RECQL5: variants seen among roughly 807,000 people sequenced by gnomAD.
The protein encoded by RECQL5 is ATP-dependent DNA helicase Q5.
In RECQL5, 88 loss-of-function variants were observed where a neutral mutation model predicts 103.4. The observed-to-expected ratio is 0.85, with a 90% CI of 0.72 to 1.02. The LOEUF (loss-of-function observed/expected upper bound fraction) is 1.02, where lower values mean the gene tolerates loss of function less well. Ranked by LOEUF, RECQL5 falls within the 50% of genes least tolerant of loss-of-function variation. The pLI, the probability that RECQL5 is intolerant of heterozygous loss-of-function variation, is 0.00. For missense variants in RECQL5, 1,232 were observed against 1,284.3 expected, an observed-to-expected ratio of 0.96 and a Z score of 0.62; for synonymous variants, 552 against 507.9, an observed-to-expected ratio of 1.09 and a Z score of -1.17.
intron 7 of RECQL5, among the ~76,000 whole-genome samples, chr17:75,653,568 A>G (rs2059580836): frequency 6.6e-6 from 1 of 152,120 alleles, no homozygotes; most frequent in African/African-American, 2.4e-5. Context: ...TTGCCAACAT[A>G]TCCTTTTAAA....
chr17:75,650,794 G>T, intron 8 of RECQL5: 1 of 1,558,106 alleles, frequency 6.4e-7, no homozygotes. Context: ...ACAGGCTTCT[G>T]TGTGGGTCCT....
intron 10 of RECQL5, 23 bp downstream of exon 10, chr17:75,631,127 G>A: frequency 6.2e-7 from 1 of 1,612,660 alleles, no homozygotes; most frequent in East Asian, 2.2e-5. Flanking sequence ...GCCCCACACA[G>A]GCCACTGAGT....
At chr17:75,629,607 G>C in intron 15 of RECQL5, 101 bp downstream of exon 15, 3 of 1,514,120 alleles carry the variant, frequency 2.0e-6, no homozygotes, top group Non-Finnish European at 2.7e-6. Flanking sequence ...GCAGGACCCT[G>C]GTGGGGAGCC....
At chr17:75,633,441 C>T in intron 8 of RECQL5, 1 of 1,289,076 alleles carries the variant, frequency 7.8e-7, no homozygotes, top group Non-Finnish European at 1.0e-6. Flanking sequence ...GGTCACAGCC[C>T]CAGCAGAAGG....
chr17:75,648,508 G>A (rs138354034), intron 8 of RECQL5, among the ~76,000 whole-genome samples: 6,470 of 151,558 alleles, frequency 0.043, 412 homozygotes, highest in African/African-American at 0.14. Flanking sequence ...GAGTAGCTGG[G>A]ACTACAGGCT....
At position 75,640,904 on chromosome 17, in the gene RECQL5, G is replaced by C. The variant is rs1056017728; in HGVS notation, c.1230-9236C>G. ...GCAGCCGACACCACCATGACGGACG[G>C]GCGATGGCTGAGGAGAAGCTGGAGA... is the stretch of plus-strand genomic sequence containing the variant. On this transcript the variant is annotated intron_variant, in intron 8 of 19. Transcript: ENST00000317905. This position sits in a 1 kb window ranked among gnomAD's most constrained non-coding sequence, Gnocchi z 4.6. 2 of 1,542,160 alleles carry C rather than the reference G, an allele frequency of 1.3e-6. No individual in the cohort carries two copies. The highest frequency in any genetic ancestry group is 1.7e-6 in the Non-Finnish European group (2 of 1,146,626).
rs1023937729 is a variant in RECQL5, at chr17:75,658,479, C to T, written c.987-19G>A. The stretch of plus-strand genomic sequence containing the variant: ...GACAAACCTGTAGGATCCAAAGGGA[C>T]AAGCAGCATGAGATGGTGGAGAAGC... On this transcript the variant is annotated intron_variant, in intron 6 of 19. Transcript: ENST00000317905. 6.2e-7 allele frequency: 1 copy of T among 1,611,196 alleles called. No homozygotes were observed.
chr17:75,644,163 G>C (rs8079013), intron 8 of RECQL5, among the ~76,000 whole-genome samples: 5,111 of 152,192 alleles, frequency 0.034, 314 homozygotes, highest in African/African-American at 0.11. Flanking sequence ...AAATTAGCCG[G>C]GTGTGGTGGC....
At chr17:75,665,691 A>AC (rs915571208) in intron 2 of RECQL5, among the ~76,000 whole-genome samples, 1 of 141,688 alleles carries the variant, frequency 7.1e-6, no homozygotes, top group African/African-American at 2.6e-5. Flanking sequence ...CTCTGTTTCA[A>AC]AAAAAAAAAA....
At position 75,627,426 on chromosome 17, in the gene RECQL5, C is replaced by A; in HGVS notation, c.2972G>T (p.Arg991Ile). Reference protein sequence around the residue: ...ADWHGLCGPQR With the variant: ...ADWHGLCGPQI Reference sequence around the variant, plus strand: ...CCCTGCCCAGCCAGCAGTTGGTCATCTCTGGGGGCCACACAGGCCATGCCA... The same window carrying A: ...CCCTGCCCAGCCAGCAGTTGGTCATATCTGGGGGCCACACAGGCCATGCCA... The change falls in exon 20 of 20, where the codon AGA (arginine) becomes ATA (isoleucine). Residue 991 changes from arginine (R) to isoleucine (I), a missense_variant. By Grantham distance (97) the Arg-to-Ile change is moderately conservative. Coordinates refer to ENST00000317905, the MANE Select transcript of RECQL5 (RefSeq NM_004259.7). 1 of 1,613,210 alleles carries A rather than the reference C, an allele frequency of 6.2e-7. No homozygotes were observed. Among genetic ancestry groups the A allele is most frequent in the Non-Finnish European group, 8.5e-7 (1 of 1,179,832 alleles).
intron 6 of RECQL5, 43 bp downstream of exon 6, chr17:75,660,912 G>T: frequency 6.9e-7 from 1 of 1,455,290 alleles, no homozygotes; most frequent in Non-Finnish European, 9.7e-7. Flanking sequence ...TCCACCCTGA[G>T]CCAGGCCCAG....
At position 75,627,020 on chromosome 17, in the gene RECQL5, G is replaced by C. The variant is rs953811229; in HGVS notation, c.*402C>G. The stretch of plus-strand genomic sequence containing the variant: ...GCTGGAAGCTGGCATCGTAATGGAT[G>C]GGGGAGTGGGTGGAGGATCTGAGGG... On this transcript the variant is annotated 3_prime_UTR_variant, in exon 20 of 20. Transcript: ENST00000317905. 1 of 383,314 alleles carries C rather than the reference G, an allele frequency of 2.6e-6. No individual in the cohort carries two copies. The highest frequency in any genetic ancestry group is 5.2e-6 in the Non-Finnish European group (1 of 193,198). 23.7% of individuals were successfully genotyped at this position (383,314 alleles called of 1,614,324 possible).
At position 75,627,060 on chromosome 17, in the gene RECQL5, TC is replaced by T. The variant is rs1450156121; in HGVS notation, c.*361del. ...GGATCTGAGGGTCCCCTGGGTAGGT[TC>T]CGATACCTTGGACAGGTGGGCCTCA... On this transcript the variant is annotated 3_prime_UTR_variant, in exon 20 of 20. Coordinates refer to ENST00000317905, the MANE Select transcript of RECQL5 (RefSeq NM_004259.7). The T allele has an allele frequency of 9.1e-6, 4 of 437,220 alleles. No individual in the cohort carries two copies. In the Admixed American group the frequency reaches 1.1e-4, roughly 12 times the overall value. The allele number at this position is 437,220 out of a possible 1,614,324, so 27.1% of individuals were successfully genotyped here. A position where few individuals can be genotyped will look rare whatever the true frequency, so the allele number is the denominator to read the frequency against.
chr17:75,628,715 G>A lies in RECQL5; in HGVS notation c.2537C>T (p.Pro846Leu), dbSNP rs747815100. 3 of 1,591,026 alleles carry A rather than the reference G, an allele frequency of 1.9e-6. No individual in the cohort carries two copies. The highest frequency in any genetic ancestry group is 2.6e-6 in the Non-Finnish European group (3 of 1,174,484). Residue 846 changes from proline (P) to leucine (L), a missense_variant, in exon 17 of 20, where the codon CCT becomes CTT. Pro to Leu is a moderately conservative substitution (Grantham distance 98, BLOSUM62 -3). Coordinates refer to ENST00000317905, the MANE Select transcript of RECQL5 (RefSeq NM_004259.7). ...DQGTPEVQPTPAKDTWKGKRP... is the reference protein window; with the variant it reads ...DQGTPEVQPTLAKDTWKGKRP... Reference sequence around the variant, plus strand: ...CTTGCCCTTCCATGTGTCCTTTGCAGGGGTGGGCTGGACTTCAGGGGTGCC... The same window carrying A: ...CTTGCCCTTCCATGTGTCCTTTGCAAGGGTGGGCTGGACTTCAGGGGTGCC...
At chr17:75,630,513 A>C (rs1033797215) in intron 13 of RECQL5, 106 bp downstream of exon 13, 177 of 1,225,538 alleles carry the variant, frequency 1.4e-4, no homozygotes, top group Non-Finnish European at 1.7e-4. Context: ...GGAGAGGTAC[A>C]ATCTGGGGAG....
At chr17:75,641,525 C>T (rs57308116) in intron 8 of RECQL5, 3,756 of 152,750 alleles carry the variant, frequency 0.025, 145 homozygotes, top group African/African-American at 0.081. Context: ...TGGAAAACCA[C>T]GCAGAGAAGC....
intron 14 of RECQL5, 126 bp from the exon 15 acceptor site, chr17:75,629,968 C>A: frequency 7.5e-7 from 1 of 1,338,684 alleles, no homozygotes; most frequent in South Asian, 1.5e-5. Flanking sequence ...GGCAACTGAC[C>A]ACTGGGCAAG....
rs931627087 is a variant in RECQL5 at position 75,629,396 on chromosome 17, G to A, written c.2027C>T (p.Thr676Ile). Residue 676 changes from threonine to isoleucine, a missense_variant, in exon 16 of 20, where the codon ACT (threonine) becomes ATT (isoleucine). Physicochemically the swap from Thr to Ile is moderately conservative, Grantham distance 89 (BLOSUM62 -1). Coordinates refer to ENST00000317905, the MANE Select transcript of RECQL5 (RefSeq NM_004259.7). ...CTGGGGGGCTTGCTCCCTGATCCGA[G>A]TTGTCTCCATCAGTTCCGTGGCCGT... Reference protein sequence around the residue: ...FQTATELMETTRIREQAPQPE... With the variant: ...FQTATELMETIRIREQAPQPE... 7.3e-6 allele frequency: 11 copies of A among 1,510,694 alleles called. No homozygotes were observed. The African/African-American group carries it at 1.3e-4, about 17-fold the overall frequency. 93.6% of individuals were successfully genotyped at this position (1,510,694 alleles called of 1,614,324 possible).
intron 8 of RECQL5, chr17:75,641,089 C>T: frequency 9.9e-7 from 1 of 1,007,260 alleles, no homozygotes; most frequent in Non-Finnish European, 1.4e-6. Context: ...AGGTGCAAAC[C>T]TCTCATCTGC....
Sources: gnomAD v4.1 joint callset for allele counts (sites outside exome capture counted in the v4.1 genomes callset) on GRCh38, gnomAD v4.1.1 for gene constraint, Gnocchi (gnomAD v3.1) non-coding constraint, MANE v1.5 for transcripts, NCBI Gene and HGNC (gene_info 2026-07-23, HGNC 2026-07-21) for gene names.